DYNC2H1: variants seen among roughly 807,000 people sequenced by gnomAD.
DYNC2H1 encodes the protein cytoplasmic dynein 2 heavy chain 1.
DYNC2H1 carries 410 observed loss-of-function variants against 570.0 expected under a neutral mutation model. The ratio of observed to expected loss-of-function variants is 0.72; its 90% CI spans 0.66 to 0.78. The LOEUF (loss-of-function observed/expected upper bound fraction) is 0.78, where lower values mean the gene tolerates loss of function less well. DYNC2H1 is among the 30% of genes least tolerant of loss of function. DYNC2H1 has a pLI of 0.00. For missense variants in DYNC2H1, 4,865 were observed against 5,046.4 expected, an observed-to-expected ratio of 0.96 and a Z score of 1.09; for synonymous variants, 1,688 against 1,677.6, an observed-to-expected ratio of 1.01 and a Z score of -0.15.
At chr11:103,119,488 C>T (rs1336934142) in intron 6 of DYNC2H1, among the ~76,000 whole-genome samples, 3 of 152,028 alleles carry the variant, frequency 2.0e-5, no homozygotes, top group Admixed American at 6.6e-5. Flanking sequence ...TACAGGTGCA[C>T]GCCACCACAC....
chr11:103,414,551 A>T (rs1228782459), intron 84 of DYNC2H1, among the ~76,000 whole-genome samples: 1 of 151,340 alleles, frequency 6.6e-6, no homozygotes, highest in Non-Finnish European at 1.5e-5. Context: ...CCCAGGAGAA[A>T]GAAATAAAGG....
chr11:103,291,454 A>AATAATAAATAC (rs1866597273), intron 75 of DYNC2H1, among the ~76,000 whole-genome samples: 1 of 151,390 alleles, frequency 6.6e-6, no homozygotes, highest in African/African-American at 2.4e-5. Flanking sequence ...TAAATAAATA[A>AATAATAAATAC]ATAAATAAAT....
chr11:103,173,960 T>C, intron 35 of DYNC2H1, 95 bp from the exon 36 acceptor site: 1 of 786,080 alleles, frequency 1.3e-6, no homozygotes, highest in East Asian at 2.7e-5. Context: ...TTCATTTCTA[T>C]GTGTCAGTGT....
chr11:103,271,532 G>T (rs926563272), intron 70 of DYNC2H1, among the ~76,000 whole-genome samples: 1 of 152,142 alleles, frequency 6.6e-6, no homozygotes, highest in African/African-American at 2.4e-5. Context: ...TAAAAGGAAT[G>T]AATTACTTAG....
chr11:103,400,258 G>C (rs924007891), intron 84 of DYNC2H1, among the ~76,000 whole-genome samples: 4 of 152,076 alleles, frequency 2.6e-5, no homozygotes, highest in African/African-American at 9.7e-5. Flanking sequence ...GATTTGCTTT[G>C]ATTAAAACCA....
At chr11:103,449,610 A>G (rs1258073476) in intron 85 of DYNC2H1, among the ~76,000 whole-genome samples, 1 of 152,168 alleles carries the variant, frequency 6.6e-6, no homozygotes, top group Non-Finnish European at 1.5e-5. Context: ...ATTGAACTTT[A>G]TATTAATCAA....
chr11:103,347,340 G>A lies in DYNC2H1; in HGVS notation c.12040-10903G>A, dbSNP rs372588189. Among the ~76,000 whole-genome samples the A allele has an allele frequency of 1.5e-3, 236 of 152,266 alleles. 3 individuals are homozygous for A. The highest frequency in any genetic ancestry group is 5.1e-3 in the African/African-American group (213 of 41,578). On this transcript the variant is annotated intron_variant, in intron 82 of 88. Coordinates refer to ENST00000375735, the MANE Select transcript of DYNC2H1 (RefSeq NM_001377.3). ...ATTAAAACAAATTTTGAGACTGTCAGAGAAATTTAAATATGGACTGGGTAT... is the reference window on the plus strand; with the variant it reads ...ATTAAAACAAATTTTGAGACTGTCAAAGAAATTTAAATATGGACTGGGTAT...
chr11:103,120,482 C>CT lies in DYNC2H1; in HGVS notation c.1036dup (p.Tyr346LeufsTer7). ...TTAGAACAATTCATGAGAAGTTTCTCTATTTTCTACCTGCCAGTGAAGAGA... is the reference window on the plus strand; with the variant it reads ...TTAGAACAATTCATGAGAAGTTTCTCTTATTTTCTACCTGCCAGTGAAGAGA... On this transcript the variant is annotated frameshift_variant, in exon 7 of 89. Coordinates refer to ENST00000375735, the MANE Select transcript of DYNC2H1 (RefSeq NM_001377.3). LOFTEE classifies it high-confidence loss of function. 1 of 1,612,346 alleles carries CT rather than the reference C, an allele frequency of 6.2e-7. No homozygotes were observed.
chr11:103,329,910 A>G (rs2135457783), intron 82 of DYNC2H1, among the ~76,000 whole-genome samples: 1 of 152,302 alleles, frequency 6.6e-6, no homozygotes, highest in Non-Finnish European at 1.5e-5. Context: ...ATTTCTTTAT[A>G]TCTTTTCTAG....
chr11:103,346,608 G>A (rs1016580637), intron 82 of DYNC2H1, among the ~76,000 whole-genome samples: 1 of 149,576 alleles, frequency 6.7e-6, no homozygotes, highest in African/African-American at 2.4e-5. Flanking sequence ...TATTTATGTA[G>A]AAATAATGTA....
rs371753179 is a variant in DYNC2H1 at position 103,128,988 on chromosome 11, T to C, written c.1936T>C (p.Phe646Leu). Reference protein sequence around the residue: ...RPMMLQSALAFEQIIKNSKAG... With the variant: ...RPMMLQSALALEQIIKNSKAG... ...AATGATGTTACAATCTGCCTTAGCA[T>C]TTGAACAGATAATTAAGGTAAATGG... The change falls in exon 13 of 89, where the codon TTT becomes CTT. Residue 646 changes from phenylalanine to leucine, a missense_variant. This residue lies in a region of DYNC2H1 where 1,936 missense variants were observed against 1,962.1 expected (regional missense o/e 0.99). Transcript: ENST00000375735. 1.6e-5 allele frequency: 26 copies of C among 1,603,428 alleles called. No homozygotes were observed. Among genetic ancestry groups the C allele is most frequent in the Non-Finnish European group, 2.2e-5 (26 of 1,175,662 alleles).
intron 70 of DYNC2H1, among the ~76,000 whole-genome samples, chr11:103,279,653 A>C (rs1866053959): frequency 8.0e-6 from 1 of 125,090 alleles, no homozygotes; most frequent in South Asian, 2.7e-4. Flanking sequence ...GATAACTCTC[A>C]TTCTATGTGA....
chr11:103,313,531 CCT>C (rs1223045337), intron 79 of DYNC2H1, among the ~76,000 whole-genome samples: 4 of 152,256 alleles, frequency 2.6e-5, no homozygotes, highest in South Asian at 2.1e-4. Flanking sequence ...CCCCTTTTAA[CCT>C]CTCTGTTTCA....
At chr11:103,208,317 T>C (rs1437195246) in intron 52 of DYNC2H1, among the ~76,000 whole-genome samples, 8 of 152,146 alleles carry the variant, frequency 5.3e-5, no homozygotes, top group Admixed American at 5.2e-4. Context: ...ATTTGTGGAA[T>C]GAAGAAATGA....
At chr11:103,371,634 G>C (rs1270980498) in intron 83 of DYNC2H1, among the ~76,000 whole-genome samples, 1 of 152,166 alleles carries the variant, frequency 6.6e-6, no homozygotes, top group Non-Finnish European at 1.5e-5. Flanking sequence ...CCTTACAGGA[G>C]AGAGTGGCAT....
At chr11:103,359,011 G>C (rs1431183592) in intron 83 of DYNC2H1, among the ~76,000 whole-genome samples, 1 of 152,160 alleles carries the variant, frequency 6.6e-6, no homozygotes, top group African/African-American at 2.4e-5. Flanking sequence ...CCAGGTATTT[G>C]TTGGAAAGTT....
Position 103,199,168 on chromosome 11 carries a change from C to T in DYNC2H1, c.7840-60C>T, listed in dbSNP as rs1009751843. On this transcript the variant is annotated intron_variant, in intron 48 of 88. Coordinates refer to ENST00000375735, the MANE Select transcript of DYNC2H1 (RefSeq NM_001377.3). This position sits in a 1 kb window ranked among gnomAD's most constrained non-coding sequence, Gnocchi z 4.6. ...ATAATATTTTAACCTAGGTAAGTAA[C>T]ATTTTTATTATGTAATTAGGGCTTA... is the stretch of plus-strand genomic sequence containing the variant. 8.3e-7 allele frequency: 1 copy of T among 1,207,384 alleles called. No individual in the cohort carries two copies. The highest frequency in any genetic ancestry group is 2.9e-5 in the Admixed American group (1 of 35,022). The allele number at this position is 1,207,384 out of a possible 1,614,324, so 74.8% of individuals were successfully genotyped here.
chr11:103,187,611 T>G, intron 43 of DYNC2H1, 25 bp downstream of exon 43: 1 of 1,600,888 alleles, frequency 6.2e-7, no homozygotes, highest in Non-Finnish European at 8.5e-7. Flanking sequence ...TTGAAGTGTT[T>G]TAATCTAATT....
At chr11:103,379,443 C>A (rs1319779509) in intron 83 of DYNC2H1, among the ~76,000 whole-genome samples, 2 of 152,014 alleles carry the variant, frequency 1.3e-5, no homozygotes, top group Admixed American at 6.6e-5. Flanking sequence ...TTCATAATAG[C>A]CAAATTTATC....
Sources: gnomAD v4.1 joint callset for allele counts (sites outside exome capture counted in the v4.1 genomes callset) on GRCh38, gnomAD v4.1.1 for gene constraint, gnomAD v4.1.1 regional missense constraint, Gnocchi (gnomAD v3.1) non-coding constraint, MANE v1.5 for transcripts, NCBI Gene and HGNC (gene_info 2026-07-23, HGNC 2026-07-21) for gene names.